Variants in JADE3 observed in about 807,000 individuals in gnomAD.
JADE3 encodes the protein protein Jade-3.
In JADE3, 2 loss-of-function variants were observed where a neutral mutation model predicts 50.1. That is an observed-to-expected ratio of 0.04 (90% CI 0.02 to 0.13). JADE3 has a LOEUF of 0.13. Ranked by LOEUF, JADE3 falls within the 10% of genes least tolerant of loss-of-function variation. The pLI, the probability that JADE3 is intolerant of heterozygous loss-of-function variation, is 1.00. For synonymous variants in JADE3, 218 were observed against 232.9 expected, an observed-to-expected ratio of 0.94 and a Z score of 0.58; for missense variants, 475 against 634.4, an observed-to-expected ratio of 0.75 and a Z score of 2.70.
intron 4 of JADE3, among the ~76,000 whole-genome samples, chrX:47,007,858 C>T (rs1437864152): frequency 4.1e-5 from 4 of 97,398 alleles, no homozygotes; most frequent in African/African-American, 1.6e-4. Context: ...TGTGTGTGTT[C>T]TCTGTTTTTC....
chrX:47,009,104 C>T (rs942126616), intron 4 of JADE3, among the ~76,000 whole-genome samples: 3 of 110,608 alleles, frequency 2.7e-5, no homozygotes, highest in African/African-American at 9.9e-5. Flanking sequence ...GGGAGGATTA[C>T]TTGAGCCCAG....
intron 4 of JADE3, among the ~76,000 whole-genome samples, chrX:47,024,462 C>T (rs181228433): frequency 8.9e-6 from 1 of 112,164 alleles, no homozygotes; most frequent in Admixed American, 9.4e-5. Flanking sequence ...CACTGCATTC[C>T]AGCCTGGGTG....
intron 4 of JADE3, among the ~76,000 whole-genome samples, chrX:47,003,377 G>A (rs1018805429): frequency 9.2e-6 from 1 of 109,069 alleles, no homozygotes; most frequent in Non-Finnish European, 1.9e-5. Context: ...CCTCCTGTAG[G>A]CCTTGTCTCC....
Position 47,024,719 on chromosome X carries a change from T to C in JADE3, c.285-5T>C. 1.7e-6 allele frequency: 2 copies of C among 1,145,380 alleles called. No individual in the cohort carries two copies. The highest frequency in any genetic ancestry group is 6.1e-5 in the East Asian group (2 of 32,769). The allele number at this position is 1,145,380 out of a possible 1,213,427, so 94.4% of individuals were successfully genotyped here. Reference sequence around the variant, plus strand: ...GTTATCATTGTCTTTCTGTTGCTTTTCTAGGATTATAGCTGAGAAGGTAAA... The same window carrying C: ...GTTATCATTGTCTTTCTGTTGCTTTCCTAGGATTATAGCTGAGAAGGTAAA... On this transcript the variant is annotated splice_polypyrimidine_tract_variant and splice_region_variant and intron_variant, in intron 4 of 10. Coordinates refer to ENST00000614628, the MANE Select transcript of JADE3 (RefSeq NM_014735.5).
chrX:47,024,633 C>T, intron 4 of JADE3, 91 bp from the exon 5 acceptor site: 1 of 500,252 alleles, frequency 2.0e-6, no homozygotes, highest in South Asian at 4.2e-5. Context: ...AGGAATCTGC[C>T]ATACCTCCCA....
Position 47,010,495 on chromosome X carries a change from C to T in JADE3, c.284+12218C>T, listed in dbSNP as rs782258272. ...CGCCTGGCTTGGCTGGGATTACAGG[C>T]GTGAGCCACCGCGCCCGGCCATGTA... On this transcript the variant is annotated intron_variant, in intron 4 of 10. Transcript: ENST00000614628. 1.1e-4 allele frequency among the ~76,000 whole-genome samples: 12 copies of T among 112,129 alleles called. No homozygotes were observed. In the South Asian group the frequency reaches 4.4e-3, roughly 41 times the overall value.
chrX:47,056,013 A>C (rs1556373332), intron 9 of JADE3, 69 bp from the exon 10 acceptor site: 17 of 693,351 alleles, frequency 2.5e-5, no homozygotes, highest in Non-Finnish European at 3.4e-5. Flanking sequence ...TATTTTAGCC[A>C]AACAATTTCA....
Position 46,925,849 on chromosome X carries a change from A to G in JADE3, c.-12+13130A>G, listed in dbSNP as rs1211325305. 2.9e-5 allele frequency among the ~76,000 whole-genome samples: 3 copies of G among 101,946 alleles called. No individual in the cohort carries two copies. In the East Asian group the frequency reaches 9.4e-4, roughly 32 times the overall value. The allele number at this position is 101,946 out of a possible 115,157, so 88.5% of individuals were successfully genotyped here. A position where few individuals can be genotyped will look rare whatever the true frequency, so the allele number is the denominator to read the frequency against. On this transcript the variant is annotated intron_variant, in intron 1 of 10. Transcript: ENST00000614628. ...AAAAAAAAAAAAAAAAAGATGACCT[A>G]TTGACTTTTTTTTTTCTTTTTTGAG...
At chrX:47,006,738 T>C (rs782085597) in intron 4 of JADE3, among the ~76,000 whole-genome samples, 10 of 110,869 alleles carry the variant, frequency 9.0e-5, no homozygotes, top group Non-Finnish European at 1.9e-4. Flanking sequence ...GTTTCTCTTA[T>C]CTAATGTAAG....
At chrX:47,032,943 A>G (rs1174813347) in intron 6 of JADE3, among the ~76,000 whole-genome samples, 1 of 111,767 alleles carries the variant, frequency 8.9e-6, no homozygotes, top group Non-Finnish European at 1.9e-5. Context: ...AAGGGAGTCT[A>G]GAATGTTTCC....
chrX:46,964,395 T>C (rs969010531), intron 1 of JADE3, among the ~76,000 whole-genome samples: 20 of 111,641 alleles, frequency 1.8e-4, no homozygotes, highest in African/African-American at 6.5e-4. Flanking sequence ...ATACTAGGAC[T>C]CCTGAGCTGC....
intron 1 of JADE3, among the ~76,000 whole-genome samples, chrX:46,919,982 A>G (rs1926186650): frequency 9.0e-6 from 1 of 110,867 alleles, no homozygotes; most frequent in Non-Finnish European, 1.9e-5. Context: ...TAATATCCTA[A>G]GGGTCAATCA....
At chrX:47,008,893 TAC>T (rs1366504372) in intron 4 of JADE3, among the ~76,000 whole-genome samples, 5 of 111,496 alleles carry the variant, frequency 4.5e-5, no homozygotes, top group South Asian at 3.8e-4. Flanking sequence ...TTAAGATATA[TAC>T]AGTTTATTGT....
intron 8 of JADE3, among the ~76,000 whole-genome samples, chrX:47,044,026 T>C (rs1556370237): frequency 9.1e-6 from 1 of 110,361 alleles, no homozygotes; most frequent in Non-Finnish European, 1.9e-5. Flanking sequence ...CTACAAGATG[T>C]AGAAAATAGC....
upstream of JADE3, chrX:46,912,344 G>A (rs1160773129): frequency 8.9e-6 from 1 of 112,302 alleles, no homozygotes; most frequent in Non-Finnish European, 1.9e-5. Context: ...CGCTCCGGTA[G>A]GGCGAGCGCG....
At chrX:47,011,994 G>T (rs1265827397) in intron 4 of JADE3, among the ~76,000 whole-genome samples, 1 of 111,608 alleles carries the variant, frequency 9.0e-6, no homozygotes, top group Non-Finnish European at 1.9e-5. Flanking sequence ...GTCCTTGGCT[G>T]CTGAAAATCT....
intron 4 of JADE3, among the ~76,000 whole-genome samples, chrX:47,021,903 T>C (rs2146973806): frequency 8.9e-6 from 1 of 112,440 alleles, no homozygotes; most frequent in South Asian, 3.6e-4. Context: ...TTTTATTCTC[T>C]TAATTGTCTC....
At chrX:46,924,700 C>T (rs1926317410) in intron 1 of JADE3, among the ~76,000 whole-genome samples, 1 of 111,939 alleles carries the variant, frequency 8.9e-6, no homozygotes, top group South Asian at 3.7e-4. Context: ...AGTTTGGTTT[C>T]TCCCTGTTTT....
At chrX:46,920,464 G>A (rs1335934817) in intron 1 of JADE3, among the ~76,000 whole-genome samples, 2 of 112,484 alleles carry the variant, frequency 1.8e-5, no homozygotes, top group East Asian at 2.8e-4. Context: ...TTCACCTGTC[G>A]AAGGACGACT....
Sources: allele counts gnomAD v4.1 joint callset (sites outside exome capture counted in the v4.1 genomes callset), GRCh38; gene constraint gnomAD v4.1.1; transcripts MANE v1.5; gene names NCBI Gene and HGNC (gene_info 2026-07-23, HGNC 2026-07-21).